Variants in XPO6 observed in about 807,000 individuals in gnomAD.
XPO6 encodes exportin 6.
Under a neutral mutation model 130.0 loss-of-function variants are expected in XPO6, and 3 were observed. That is an observed-to-expected ratio of 0.02 (90% CI 0.01 to 0.06). The LOEUF (loss-of-function observed/expected upper bound fraction) is 0.06, where lower values mean the gene tolerates loss of function less well. XPO6 is among the 10% of genes least tolerant of loss of function. XPO6 has a pLI of 1.00. For missense variants in XPO6, 970 were observed against 1,393.0 expected (o/e 0.70, Z 4.83); for synonymous variants, 524 against 548.9 (o/e 0.95, Z 0.63).
At chr16:28,113,740 T>C (rs1272125354) in intron 15 of XPO6, among the ~76,000 whole-genome samples, 1 of 152,126 alleles carries the variant, frequency 6.6e-6, no homozygotes, top group Non-Finnish European at 1.5e-5. Context: ...GAAGATTACC[T>C]AAAAGGGTAA....
Position 28,146,219 on chromosome 16 carries a change from A to C in XPO6, c.1225-16T>G, listed in dbSNP as rs765592009. 217 of 1,551,416 alleles carry C rather than the reference A, an allele frequency of 1.4e-4. 2 individuals are homozygous for C. In the Middle Eastern group the frequency reaches 5.7e-3, roughly 41 times the overall value. On this transcript the variant is annotated splice_polypyrimidine_tract_variant and intron_variant, in intron 8 of 23. Transcript: ENST00000304658. Reference sequence around the variant, plus strand: ...CATGAGTAGGCTATGGTACAAAAAAAATCCAGACAATGAAATTATTTAATG... The same window carrying C: ...CATGAGTAGGCTATGGTACAAAAAACATCCAGACAATGAAATTATTTAATG...
chr16:28,178,293 GCA>G (rs1319599608), intron 2 of XPO6, among the ~76,000 whole-genome samples: 1 of 152,098 alleles, frequency 6.6e-6, no homozygotes, highest in African/African-American at 2.4e-5. Flanking sequence ...GAAAGGCCAG[GCA>G]CAGTGGCTCA....
chr16:28,176,337 CACT>C (rs1567639651), intron 3 of XPO6, among the ~76,000 whole-genome samples: 1 of 152,212 alleles, frequency 6.6e-6, no homozygotes, highest in East Asian at 1.9e-4. Context: ...TTTTTTACAC[CACT>C]GTCTCTAATG....
chr16:28,152,109 A>ACTAGGGTCACTAGAATGT, intron 8 of XPO6, among the ~76,000 whole-genome samples: 1 of 152,198 alleles, frequency 6.6e-6, no homozygotes. Flanking sequence ...TACTAGAATG[A>ACTAGGGTCACTAGAATGT]CTAGGGTCAC....
At chr16:28,113,381 T>TA (rs1355842140) in intron 15 of XPO6, among the ~76,000 whole-genome samples, 1 of 152,180 alleles carries the variant, frequency 6.6e-6, no homozygotes, top group Non-Finnish European at 1.5e-5. Flanking sequence ...ATCCAGGTCC[T>TA]AGAATTCTTC....
chr16:28,156,957 TTAAA>T (rs2043193659), intron 6 of XPO6, among the ~76,000 whole-genome samples: 1 of 152,002 alleles, frequency 6.6e-6, no homozygotes, highest in South Asian at 2.1e-4. Flanking sequence ...TACATGACCA[TTAAA>T]TAAATAAACA....
At chr16:28,114,468 CAT>C (rs1440519519) in intron 15 of XPO6, among the ~76,000 whole-genome samples, 2 of 152,188 alleles carry the variant, frequency 1.3e-5, no homozygotes, top group Non-Finnish European at 2.9e-5. Flanking sequence ...TTTCCCAATG[CAT>C]ATGTTTTGTT....
At position 28,211,448 on chromosome 16, in the gene XPO6, T is replaced by G; in HGVS notation, c.-80A>C. 3.8e-6 allele frequency: 5 copies of G among 1,298,956 alleles called. No individual in the cohort carries two copies. The highest frequency in any genetic ancestry group is 3.9e-6 in the Non-Finnish European group (4 of 1,013,678). The allele number at this position is 1,298,956 out of a possible 1,614,324, so 80.5% of individuals were successfully genotyped here. On this transcript the variant is annotated 5_prime_UTR_variant, in exon 1 of 24. Coordinates refer to ENST00000304658, the MANE Select transcript of XPO6 (RefSeq NM_015171.4). Reference sequence around the variant, plus strand: ...CCCGCTCGCACAGTTCAGGTCATGGTCCCGGCAGACTCGGGAAGTCCCCCA... The same window carrying G: ...CCCGCTCGCACAGTTCAGGTCATGGGCCCGGCAGACTCGGGAAGTCCCCCA...
intron 11 of XPO6, among the ~76,000 whole-genome samples, chr16:28,133,524 C>T (rs1285909221): frequency 1.3e-5 from 2 of 152,160 alleles, no homozygotes; most frequent in African/African-American, 4.8e-5. Flanking sequence ...CAAAGGCCAG[C>T]TTTTCAGCAA....
chr16:28,160,882 G>GA (rs1398833882), intron 6 of XPO6, among the ~76,000 whole-genome samples: 1 of 152,050 alleles, frequency 6.6e-6, no homozygotes, highest in Non-Finnish European at 1.5e-5. Context: ...ATTTTTAAAT[G>GA]AAAAAAACTG....
At chr16:28,111,681 A>G in intron 17 of XPO6, 136 bp downstream of exon 17, 1 of 884,340 alleles carries the variant, frequency 1.1e-6, no homozygotes, top group Non-Finnish European at 1.7e-6. Flanking sequence ...CCCAAGTATG[A>G]CTTCCTGCTC....
chr16:28,152,841 T>C, intron 7 of XPO6, 56 bp from the exon 8 acceptor site: 1 of 1,579,602 alleles, frequency 6.3e-7, no homozygotes, highest in Admixed American at 2.0e-5. Context: ...TCCTTAGAAC[T>C]TAAATTCAAT....
At chr16:28,205,694 G>A (rs2044018322) in intron 1 of XPO6, among the ~76,000 whole-genome samples, 1 of 152,114 alleles carries the variant, frequency 6.6e-6, no homozygotes, top group African/African-American at 2.4e-5. Flanking sequence ...ACCTTGGGAA[G>A]TTGCCTAACC....
intron 4 of XPO6, among the ~76,000 whole-genome samples, chr16:28,173,946 C>T (rs1246966174): frequency 6.6e-6 from 1 of 152,184 alleles, no homozygotes; most frequent in Non-Finnish European, 1.5e-5. Flanking sequence ...CTGTGACTCT[C>T]CGTCTCAAGG....
At chr16:28,130,483 T>G (rs2042644990) in intron 12 of XPO6, among the ~76,000 whole-genome samples, 1 of 152,180 alleles carries the variant, frequency 6.6e-6, no homozygotes, top group Admixed American at 6.5e-5. Context: ...AAAAATGTAC[T>G]CAGAGTTTCC....
At chr16:28,164,429 A>G (rs1489948030) in intron 6 of XPO6, among the ~76,000 whole-genome samples, 3 of 152,214 alleles carry the variant, frequency 2.0e-5, no homozygotes, top group African/African-American at 7.2e-5. Context: ...CTTCACTTAC[A>G]TTACCATAAA....
At chr16:28,123,707 TC>T (rs2087312496) in intron 13 of XPO6, among the ~76,000 whole-genome samples, 1 of 152,196 alleles carries the variant, frequency 6.6e-6, no homozygotes, top group Non-Finnish European at 1.5e-5. Flanking sequence ...ACAGTTATTA[TC>T]AGAAAACAAT....
chr16:28,154,307 A>C, intron 7 of XPO6: 1 of 978,064 alleles, frequency 1.0e-6, no homozygotes, highest in Non-Finnish European at 1.2e-6. Context: ...GAACAATCTC[A>C]ATTTTACTTT....
intron 12 of XPO6, among the ~76,000 whole-genome samples, chr16:28,131,611 T>G (rs932447848): frequency 2.6e-5 from 4 of 152,212 alleles, no homozygotes; most frequent in Admixed American, 6.5e-5. Context: ...TCATGCGACT[T>G]GTACCAACAA....
Sources: gnomAD v4.1 joint callset for allele counts (sites outside exome capture counted in the v4.1 genomes callset) on GRCh38, gnomAD v4.1.1 for gene constraint, MANE v1.5 for transcripts, NCBI Gene and HGNC (gene_info 2026-07-23, HGNC 2026-07-21) for gene names.